The following DALRD3 variants were observed in gnomAD, a reference collection of about 807,000 sequenced individuals.
DALRD3 encodes the protein DALR anticodon binding domain containing 3.
A neutral mutation model predicts 56.7 loss-of-function variants in DALRD3; 47 were observed. That is an observed-to-expected ratio of 0.83 (90% CI 0.66 to 1.06). DALRD3 has a LOEUF of 1.06. Ranked by LOEUF, DALRD3 falls within the 50% of genes least tolerant of loss-of-function variation. The pLI is 0.00. For missense variants in DALRD3, 787 were observed against 724.0 expected (o/e 1.09, Z -1.00); for synonymous variants, 347 against 308.5 (o/e 1.12, Z -1.31).
intron 1 of DALRD3, 37 bp from the exon 2 acceptor site, chr3:49,018,355 G>A: frequency 6.6e-7 from 1 of 1,516,326 alleles, no homozygotes; most frequent in Non-Finnish European, 8.8e-7. Context: ...GCCACGGCAC[G>A]GGGCCCATCT....
Position 49,015,681 on chromosome 3 carries a change from C to T in DALRD3, c.1539G>A (p.Gln513=). The change falls in exon 12 of 12, where the codon CAG becomes CAA. Residue 513 remains glutamine (Q), a synonymous_variant. Transcript: ENST00000341949. ...LGEPRPHLFG[Q]MFVRLQLLRA... is the part of the protein sequence containing the mutation. ...TCAGAAGCTGCAGGCGGACGAACATCTGACCAAAGAGGTGTGGTCGAGGCT... is the reference window on the plus strand; with the variant it reads ...TCAGAAGCTGCAGGCGGACGAACATTTGACCAAAGAGGTGTGGTCGAGGCT... 3 of 1,614,180 alleles carry T rather than the reference C, an allele frequency of 1.9e-6. No individual in the cohort carries two copies. The highest frequency in any genetic ancestry group is 2.5e-6 in the Non-Finnish European group (3 of 1,180,042).
rs748420071 is a variant in DALRD3, at chr3:49,017,881, GGGCGGC to G, written c.462-18_462-13del. 5.0e-6 allele frequency: 8 copies of G among 1,584,652 alleles called. No homozygotes were observed. The highest frequency in any genetic ancestry group is 6.0e-6 in the Non-Finnish European group (7 of 1,173,064). On this transcript the variant is annotated splice_polypyrimidine_tract_variant and intron_variant, in intron 2 of 11. Transcript: ENST00000341949. ...GGCGCACGCACACCCTGCGAAGGGA[GGGCGGC>G]CGCCTCAGTCTGAGCACCTGGTCCA...
intron 7 of DALRD3, 30 bp downstream of exon 7, chr3:49,016,582 C>G: frequency 6.3e-7 from 1 of 1,590,302 alleles, no homozygotes; most frequent in South Asian, 1.1e-5. Context: ...GCCCCTAACC[C>G]AGAACATAGC....
chr3:49,018,560 G>A lies in DALRD3; in HGVS notation c.5C>T (p.Ala2Val), dbSNP rs1274795176. M[A>V]TRRLGVGETL... ...CTCCCCGACCCCAAGGCGCCTGGTC[G>A]CCATGGTGACCGGAAGGAGTAAGCG... is the stretch of plus-strand genomic sequence containing the variant. The change falls in exon 1 of 12, where the codon GCG becomes GTG. Residue 2 changes from alanine (A) to valine (V), a missense_variant. Ala to Val is a moderately conservative substitution (Grantham distance 64). Coordinates refer to ENST00000341949, the MANE Select transcript of DALRD3 (RefSeq NM_001009996.3). 7.6e-6 allele frequency: 12 copies of A among 1,571,364 alleles called. No homozygotes were observed. Among genetic ancestry groups the A allele is most frequent in the Non-Finnish European group, 1.0e-5 (12 of 1,160,518 alleles).
chr3:49,020,805 G>GT (rs2093149213), upstream of DALRD3: 1 of 389,376 alleles, frequency 2.6e-6, no homozygotes, highest in Admixed American at 3.0e-5. Flanking sequence ...AGACCCGGGA[G>GT]TAGGTTGTGA....
In DALRD3 at chr3:49,017,323, G is replaced by A; in HGVS notation, c.832C>T (p.Leu278=). ...TCACAGCTAACAACATGTACAACCAGGCAGCCGCCTGTACCAGTATCTGAG... is the reference window on the plus strand; with the variant it reads ...TCACAGCTAACAACATGTACAACCAAGCAGCCGCCTGTACCAGTATCTGAG... The part of the protein sequence containing the change: ...GASDTGTGGC[L]VVHVVSCEEE... The change falls in exon 5 of 12, where the codon CTG becomes TTG. Residue 278 remains leucine, a synonymous_variant. Transcript: ENST00000341949. The A allele has an allele frequency of 1.2e-6, 2 of 1,614,208 alleles. No homozygotes were observed. The highest frequency in any genetic ancestry group is 1.7e-6 in the Non-Finnish European group (2 of 1,180,052).
chr3:49,018,085 G>C lies in DALRD3; in HGVS notation c.399C>G (p.Arg133=). The change falls in exon 2 of 12, where the codon CGC becomes CGG. Residue 133 remains arginine, a synonymous_variant. Transcript: ENST00000341949. The stretch of plus-strand genomic sequence containing the variant: ...CGAGCACCGTACGCAGCTGGCTCAA[G>C]CGGAGTGCGCAGGGGGAGCTGCGCA... ...PALRSSPCAL[R]LSQLRTVLVA... is the part of the protein sequence containing the mutation. 1 of 1,489,490 alleles carries C rather than the reference G, an allele frequency of 6.7e-7. No homozygotes were observed. Among genetic ancestry groups the C allele is most frequent in the Non-Finnish European group, 8.9e-7 (1 of 1,128,820 alleles). The allele number at this position is 1,489,490 out of a possible 1,614,324, so 92.3% of individuals were successfully genotyped here.
rs2093117983 is a variant in DALRD3, at chr3:49,018,414, AGCGCGCCTGCAGCGCGCGGT to A, written c.131_150del (p.His44LeufsTer3). 6.4e-7 allele frequency: 1 copy of A among 1,574,266 alleles called. No homozygotes were observed. Among genetic ancestry groups the A allele is most frequent in the Admixed American group, 1.8e-5 (1 of 55,130 alleles). ...CTCACGCCCACCTGGCCGTCATCGA[AGCGCGCCTGCAGCGCGCGGT>A]GCGGTGCCAGAAAGTCTCGGGAACG... is the stretch of plus-strand genomic sequence containing the variant. On this transcript the variant is annotated frameshift_variant, in exon 1 of 12. Transcript: ENST00000341949. LOFTEE classifies it high-confidence loss of function.
At position 49,018,403 on chromosome 3, in the gene DALRD3, G is replaced by C; in HGVS notation, c.162C>G (p.Gly54=). Residue 54 remains glycine (G), a synonymous_variant, in exon 1 of 12, where the codon GGC becomes GGG. Transcript: ENST00000341949. ...GCCCCGCCCGGCTCACGCCCACCTGGCCGTCATCGAAGCGCGCCTGCAGCG... is the reference window on the plus strand; with the variant it reads ...GCCCCGCCCGGCTCACGCCCACCTGCCCGTCATCGAAGCGCGCCTGCAGCG... The part of the protein sequence containing the change: ...HRALQARFDD[G]QVPEHLLHAL... The C allele has an allele frequency of 6.4e-7, 1 of 1,567,110 alleles. No individual in the cohort carries two copies. The highest frequency in any genetic ancestry group is 1.2e-5 in the South Asian group (1 of 86,184).
upstream of DALRD3, among the ~76,000 whole-genome samples, chr3:49,019,503 G>C (rs1418215674): frequency 7.4e-5 from 11 of 149,446 alleles, no homozygotes; most frequent in Admixed American, 4.0e-4. Flanking sequence ...TTTTGAGACG[G>C]AGTTTCGCTC....
At position 49,017,702 on chromosome 3, in the gene DALRD3, G is replaced by T. The variant is rs1369841826; in HGVS notation, c.629C>A (p.Pro210His). The part of the protein sequence containing the change: ...TSANDGRTLS[P>H]GILGRLCLKE... Reference sequence around the variant, plus strand: ...CAGACACAGTCTGCCTAGGATGCCAGGGGACAGTGTCCTCCCGTCATTAGC... The same window carrying T: ...CAGACACAGTCTGCCTAGGATGCCATGGGACAGTGTCCTCCCGTCATTAGC... The change falls in exon 3 of 12, where the codon CCT (proline) becomes CAT (histidine). Residue 210 changes from proline to histidine, a missense_variant. Transcript: ENST00000341949. The T allele has an allele frequency of 3.7e-6, 6 of 1,614,030 alleles. No individual in the cohort carries two copies. The Admixed American group carries it at 1.0e-4, about 27-fold the overall frequency.
chr3:49,017,525 A>G lies in DALRD3; in HGVS notation c.719-12T>C, dbSNP rs1333481681. On this transcript the variant is annotated splice_polypyrimidine_tract_variant and intron_variant, in intron 3 of 11. Transcript: ENST00000341949. ...GAGATCCTCAGTCACTGAAAAGAGA[A>G]CAGACAGGTGCTGAGACTGACAAGA... 6.2e-7 allele frequency: 1 copy of G among 1,614,156 alleles called. No homozygotes were observed. The highest frequency in any genetic ancestry group is 8.5e-7 in the Non-Finnish European group (1 of 1,180,028).
upstream of DALRD3, chr3:49,020,337 T>G (rs1049014069): frequency 1.3e-5 from 6 of 456,832 alleles, no homozygotes; most frequent in Non-Finnish European, 2.8e-5. Context: ...ACGGTTGGGG[T>G]GGTTTTTCCC....
At chr3:49,017,950 C>A in intron 2 of DALRD3, 73 bp downstream of exon 2, 2 of 1,508,956 alleles carry the variant, frequency 1.3e-6, no homozygotes, top group Non-Finnish European at 1.8e-6. Flanking sequence ...GCAGTCCCCA[C>A]GGGCGGCGCC....
At chr3:49,020,957 C>T (rs2093150997), upstream of DALRD3, 1 of 170,756 alleles carries the variant, frequency 5.9e-6, no homozygotes, top group Non-Finnish European at 1.3e-5. Context: ...GAAGCCTGGG[C>T]CACTGGTGCG....
At chr3:49,015,949 G>A in intron 10 of DALRD3, 24 bp downstream of exon 10, 1 of 1,614,136 alleles carries the variant, frequency 6.2e-7, no homozygotes, top group Non-Finnish European at 8.5e-7. Flanking sequence ...AGAGTGTAGA[G>A]TGTCCTGGTT....
At chr3:49,019,155 C>T (rs745409279), upstream of DALRD3, 5 of 404,168 alleles carry the variant, frequency 1.2e-5, no homozygotes, top group Non-Finnish European at 1.7e-5. Context: ...CTCACTGCAG[C>T]CTCCACCTCC....
chr3:49,016,763 G>C lies in DALRD3; in HGVS notation c.1001+11C>G, dbSNP rs1259714209. The C allele has an allele frequency of 6.2e-7, 1 of 1,614,124 alleles. No homozygotes were observed. On this transcript the variant is annotated intron_variant, in intron 6 of 11. Coordinates refer to ENST00000341949, the MANE Select transcript of DALRD3 (RefSeq NM_001009996.3). ...CTGGCTTAGGTTGGTGTTCCTCCCA[G>C]CCTCACTCACTCGTAGTACTCAGGG...
In DALRD3 at chr3:49,018,334, C is replaced by T; in HGVS notation, c.166-16G>A. 7 of 1,489,712 alleles carry T rather than the reference C, an allele frequency of 4.7e-6. No homozygotes were observed. Among genetic ancestry groups the T allele is most frequent in the Non-Finnish European group, 6.2e-6 (7 of 1,126,562 alleles). The allele number at this position is 1,489,712 out of a possible 1,614,324, so 92.3% of individuals were successfully genotyped here. A position where few individuals can be genotyped will look rare whatever the true frequency, so the allele number is the denominator to read the frequency against. On this transcript the variant is annotated splice_polypyrimidine_tract_variant and intron_variant, in intron 1 of 11. Coordinates refer to ENST00000341949, the MANE Select transcript of DALRD3 (RefSeq NM_001009996.3). Reference sequence around the variant, plus strand: ...GCTCCGGAACCTGCGGGAGAACGGGCGTGTAAAAGAGCCACGGCACGGGGC... The same window carrying T: ...GCTCCGGAACCTGCGGGAGAACGGGTGTGTAAAAGAGCCACGGCACGGGGC...
Sources: gnomAD v4.1 joint callset for allele counts (sites outside exome capture counted in the v4.1 genomes callset) on GRCh38, gnomAD v4.1.1 for gene constraint, MANE v1.5 for transcripts, NCBI Gene and HGNC (gene_info 2026-07-23, HGNC 2026-07-21) for gene names.